Variants in CYRIA observed in about 807,000 individuals in gnomAD.
CYRIA encodes CYFIP-related Rac1 interactor A.
In CYRIA, 15 loss-of-function variants were observed where a neutral mutation model predicts 43.9. The ratio of observed to expected loss-of-function variants is 0.34; its 90% CI spans 0.23 to 0.53. The LOEUF (loss-of-function observed/expected upper bound fraction) is 0.53. CYRIA is among the 20% of genes least tolerant of loss of function. CYRIA has a pLI of 0.94. For synonymous variants in CYRIA, 117 were observed against 136.0 expected (o/e 0.86, Z 0.97); for missense variants, 236 against 394.2 (o/e 0.60, Z 3.40).
chr2:16,560,871 T>A lies in CYRIA; in HGVS notation c.710+119A>T, dbSNP rs141411860. 63 of 851,914 alleles carry A rather than the reference T, an allele frequency of 7.4e-5. No homozygotes were observed. In the African/African-American group the frequency reaches 8.6e-4, roughly 12 times the overall value. The allele number at this position is 851,914 out of a possible 1,614,324, so 52.8% of individuals were successfully genotyped here. A position where few individuals can be genotyped will look rare whatever the true frequency, so the allele number is the denominator to read the frequency against. ...GAGTTCTTAGTGAAATTAAAGCAGATAATATACATGAAAACTTTAGGGTGT... is the reference window on the plus strand; with the variant it reads ...GAGTTCTTAGTGAAATTAAAGCAGAAAATATACATGAAAACTTTAGGGTGT... On this transcript the variant is annotated intron_variant, in intron 9 of 11. Transcript: ENST00000381323.
At chr2:16,599,913 C>A (rs1205985698) in intron 2 of CYRIA, among the ~76,000 whole-genome samples, 1 of 152,194 alleles carries the variant, frequency 6.6e-6, no homozygotes, top group Non-Finnish European at 1.5e-5. Context: ...CCCGCCACCA[C>A]ACCCAGCTAA....
rs59091239 is a variant in CYRIA at position 16,648,327 on chromosome 2, CAAAAAA to C, written c.-167+17447_-167+17452del. Among the ~76,000 whole-genome samples the C allele has an allele frequency of 3.8e-3, 465 of 122,194 alleles. 2 individuals are homozygous for C. The highest frequency in any genetic ancestry group is 0.012 in the African/African-American group (442 of 36,592). The allele number at this position is 122,194 out of a possible 152,430, so 80.2% of individuals were successfully genotyped here. ...AGGGTAGGAACAACAATGACAACAG[CAAAAAA>C]AAAAAAAAAGAATGTAATGAATAGT... On this transcript the variant is annotated intron_variant, in intron 1 of 11. Transcript: ENST00000381323.
intron 1 of CYRIA, among the ~76,000 whole-genome samples, chr2:16,634,124 C>A (rs11901248): frequency 0.017 from 2,549 of 152,300 alleles, 78 homozygotes; most frequent in African/African-American, 0.058. Flanking sequence ...TAAGCTTACA[C>A]TGTTGACAGC....
At chr2:16,557,167 T>C (rs149840269) in intron 10 of CYRIA, among the ~76,000 whole-genome samples, 1 of 152,304 alleles carries the variant, frequency 6.6e-6, no homozygotes, top group African/African-American at 2.4e-5. Flanking sequence ...AGCATTTCTT[T>C]AATAAATGGC....
rs781283385 is a variant in CYRIA, at chr2:16,559,449, A to C, written c.837+11T>G. The C allele has an allele frequency of 6.2e-7, 1 of 1,610,924 alleles. No individual in the cohort carries two copies. The highest frequency in any genetic ancestry group is 1.3e-5 in the African/African-American group (1 of 74,800). ...CCTTATTTGGAAAGCACATTTCACA[A>C]CTATTCTTACATCGATCTTGGATGT... On this transcript the variant is annotated intron_variant, in intron 10 of 11. Transcript: ENST00000381323.
chr2:16,610,555 T>C (rs1290062100), intron 2 of CYRIA, among the ~76,000 whole-genome samples: 1 of 152,144 alleles, frequency 6.6e-6, no homozygotes, highest in Non-Finnish European at 1.5e-5. Flanking sequence ...AATCCTAGAA[T>C]GCTGGAACAG....
chr2:16,649,337 A>T (rs1669903960), intron 1 of CYRIA, among the ~76,000 whole-genome samples: 3 of 152,184 alleles, frequency 2.0e-5, no homozygotes, highest in Admixed American at 1.3e-4. Flanking sequence ...TGTACAGCAC[A>T]GGGGATGGTT....
chr2:16,638,287 C>T lies in CYRIA; in HGVS notation c.-166-14268G>A, dbSNP rs533745298. On this transcript the variant is annotated intron_variant, in intron 1 of 11. Coordinates refer to ENST00000381323, the MANE Select transcript of CYRIA (RefSeq NM_030797.4). ...ACCTCCATCTTGTTTGCTAACAGCCCGTAAGCTTCCAGGAAATATAAACAC... is the reference window on the plus strand; with the variant it reads ...ACCTCCATCTTGTTTGCTAACAGCCTGTAAGCTTCCAGGAAATATAAACAC... Among the ~76,000 whole-genome samples, 127 of 152,192 alleles carry T rather than the reference C, an allele frequency of 8.3e-4. 2 individuals are homozygous for T. The highest frequency in any genetic ancestry group is 2.8e-3 in the African/African-American group (117 of 41,526).
intron 2 of CYRIA, among the ~76,000 whole-genome samples, chr2:16,616,676 A>G (rs1334988312): frequency 6.6e-6 from 1 of 152,226 alleles, no homozygotes. Context: ...GTTTGAACCT[A>G]CGTTGTATGG....
At chr2:16,656,040 G>A (rs1670102066) in intron 1 of CYRIA, among the ~76,000 whole-genome samples, 1 of 152,154 alleles carries the variant, frequency 6.6e-6, no homozygotes, top group Non-Finnish European at 1.5e-5. Context: ...TGAGTAGTCA[G>A]TTCCACCTGT....
intron 2 of CYRIA, among the ~76,000 whole-genome samples, chr2:16,610,686 A>G (rs1668561807): frequency 6.6e-6 from 1 of 152,042 alleles, no homozygotes; most frequent in Admixed American, 6.5e-5. Context: ...TAGTTGGAAC[A>G]CATGATAAAC....
chr2:16,662,269 C>T lies in CYRIA; in HGVS notation c.-167+3511G>A, dbSNP rs370103301. Among the ~76,000 whole-genome samples the T allele has an allele frequency of 3.3e-4, 50 of 152,238 alleles. 2 individuals are homozygous for T. The South Asian group carries it at 9.6e-3, about 29-fold the overall frequency. On this transcript the variant is annotated intron_variant, in intron 1 of 11. Transcript: ENST00000381323. ...GCTTTGTACCATGGTTTTAAGGGGACCCAGAGGTCCAGTAACTGAGAACGC... is the reference window on the plus strand; with the variant it reads ...GCTTTGTACCATGGTTTTAAGGGGATCCAGAGGTCCAGTAACTGAGAACGC...
At chr2:16,576,147 G>A (rs1392745789) in intron 3 of CYRIA, among the ~76,000 whole-genome samples, 2 of 152,188 alleles carry the variant, frequency 1.3e-5, no homozygotes, top group Non-Finnish European at 2.9e-5. Flanking sequence ...ACTTTTGGGA[G>A]ATATGGATTC....
rs952615515 is a variant in CYRIA at position 16,642,408 on chromosome 2, T to G, written c.-166-18389A>C. On this transcript the variant is annotated intron_variant, in intron 1 of 11. Coordinates refer to ENST00000381323, the MANE Select transcript of CYRIA (RefSeq NM_030797.4). ...TTTATTTCACGCCCCAAATTCAATC[T>G]TTCAGAAAATTCTTTTGCCTTTACC... Among the ~76,000 whole-genome samples, 3 of 152,216 alleles carry G rather than the reference T, an allele frequency of 2.0e-5. No homozygotes were observed. The East Asian group carries it at 5.8e-4, about 29-fold the overall frequency.
At chr2:16,603,712 G>A (rs1668284627) in intron 2 of CYRIA, among the ~76,000 whole-genome samples, 1 of 152,156 alleles carries the variant, frequency 6.6e-6, no homozygotes, top group Non-Finnish European at 1.5e-5. Context: ...GTCTTCTAGG[G>A]CAGGGCTGCT....
chr2:16,625,507 G>A (rs16982601), intron 1 of CYRIA, among the ~76,000 whole-genome samples: 60 of 152,200 alleles, frequency 3.9e-4, no homozygotes, highest in African/African-American at 1.3e-3. Flanking sequence ...CTGAGTGGAC[G>A]TTAGTGGAGC....
At chr2:16,619,956 C>A (rs139066094) in intron 2 of CYRIA, among the ~76,000 whole-genome samples, 48 of 152,302 alleles carry the variant, frequency 3.2e-4, no homozygotes, top group Admixed American at 1.1e-3. Context: ...CTTTCCTGGG[C>A]AGAGAACACA....
intron 11 of CYRIA, among the ~76,000 whole-genome samples, chr2:16,554,255 C>T (rs1666422288): frequency 6.6e-6 from 1 of 152,020 alleles, no homozygotes; most frequent in Admixed American, 6.6e-5. Flanking sequence ...ACTCAGGGGA[C>T]TCAAAGATGA....
chr2:16,613,079 A>G (rs754679709), intron 2 of CYRIA, among the ~76,000 whole-genome samples: 1 of 152,212 alleles, frequency 6.6e-6, no homozygotes, highest in Non-Finnish European at 1.5e-5. Flanking sequence ...CTGTGAGTCA[A>G]TTAAACCTCT....
Sources: allele counts gnomAD v4.1 joint callset (sites outside exome capture counted in the v4.1 genomes callset), GRCh38; gene constraint gnomAD v4.1.1; transcripts MANE v1.5; gene names NCBI Gene and HGNC (gene_info 2026-07-23, HGNC 2026-07-21).